The following FGFR2 variants were observed in gnomAD, a reference collection of about 807,000 sequenced individuals.
The protein encoded by FGFR2 is BEK fibroblast growth factor receptor.
A neutral mutation model predicts 95.9 loss-of-function variants in FGFR2; 19 were observed. That is an observed-to-expected ratio of 0.20 (90% CI 0.14 to 0.29). FGFR2 has a LOEUF of 0.29. FGFR2 is among the 10% of genes least tolerant of loss of function. FGFR2 has a pLI of 1.00. For missense variants in FGFR2, 707 were observed against 1,056.9 expected, an observed-to-expected ratio of 0.67 and a Z score of 4.59; for synonymous variants, 392 against 393.3, an observed-to-expected ratio of 1.00 and a Z score of 0.04.
chr10:121,526,050 T>C (rs998937087), intron 6 of FGFR2: 4 of 396,562 alleles, frequency 1.0e-5, no homozygotes, highest in African/African-American at 6.2e-5. Flanking sequence ...GTTCCCAGTA[T>C]TGATCTGGAA....
chr10:121,526,668 T>C (rs973861203), intron 6 of FGFR2: 1 of 398,482 alleles, frequency 2.5e-6, no homozygotes. Flanking sequence ...ACAGCCAGTA[T>C]CTTGGCTTGT....
chr10:121,525,717 T>G (rs189871665), intron 6 of FGFR2, among the ~76,000 whole-genome samples: 125 of 152,106 alleles, frequency 8.2e-4, no homozygotes, highest in African/African-American at 2.8e-3. Flanking sequence ...AACATGCCAG[T>G]CCTCCTCTGG....
chr10:121,535,266 A>C (rs1852668302), intron 6 of FGFR2, among the ~76,000 whole-genome samples: 1 of 152,230 alleles, frequency 6.6e-6, no homozygotes, highest in Non-Finnish European at 1.5e-5. Context: ...CAATTAGTTT[A>C]TAGTAATTTG....
intron 17 of FGFR2, among the ~76,000 whole-genome samples, chr10:121,483,467 TC>T (rs1281745480): frequency 6.6e-6 from 1 of 152,216 alleles, no homozygotes; most frequent in African/African-American, 2.4e-5. Context: ...GAAGGCAGCC[TC>T]GGGGATGTCC....
chr10:121,533,413 A>T (rs1398834282), intron 6 of FGFR2, among the ~76,000 whole-genome samples: 5 of 152,186 alleles, frequency 3.3e-5, no homozygotes, highest in Admixed American at 1.3e-4. Flanking sequence ...AGTGGAGAGA[A>T]GACATATCTG....
intron 2 of FGFR2, among the ~76,000 whole-genome samples, chr10:121,584,225 A>G (rs1861405495): frequency 6.6e-6 from 1 of 151,798 alleles, no homozygotes; most frequent in African/African-American, 2.4e-5. Flanking sequence ...GCAGACAAAA[A>G]TCTCATCTAG....
chr10:121,531,752 C>T lies in FGFR2; in HGVS notation c.748+6840G>A, dbSNP rs537671899. 1.3e-5 allele frequency among the ~76,000 whole-genome samples: 2 copies of T among 152,276 alleles called. No individual in the cohort carries two copies. The highest frequency in any genetic ancestry group is 2.9e-5 in the Non-Finnish European group (2 of 68,022). ...TAGCAAGGGTGGAAACAGAACTTGA[C>T]ACCCCTCTCCACGTAATTTCCACCT... is the stretch of plus-strand genomic sequence containing the variant. On this transcript the variant is annotated intron_variant, in intron 6 of 17. Transcript: ENST00000358487. This position sits in a 1 kb window ranked among gnomAD's most constrained non-coding sequence, Gnocchi z 4.5.
intron 2 of FGFR2, among the ~76,000 whole-genome samples, chr10:121,585,762 T>C (rs145299578): frequency 6.6e-6 from 1 of 152,338 alleles, no homozygotes; most frequent in Non-Finnish European, 1.5e-5. Flanking sequence ...TTCTTGTTCT[T>C]TTAAAAATTT....
Position 121,512,898 on chromosome 10 carries a change from T to C in FGFR2, c.1287+2219A>G, listed in dbSNP as rs535423621. Reference sequence around the variant, plus strand: ...TCTCTTTTTTTTTAAAGACGGAGTTTTACTCTTGTTGCCCAGGCTGGAGCG... The same window carrying C: ...TCTCTTTTTTTTTAAAGACGGAGTTCTACTCTTGTTGCCCAGGCTGGAGCG... On this transcript the variant is annotated intron_variant, in intron 9 of 17. Coordinates refer to ENST00000358487, the MANE Select transcript of FGFR2 (RefSeq NM_000141.5). 2.7e-3 allele frequency among the ~76,000 whole-genome samples: 408 copies of C among 152,188 alleles called. 3 individuals carry two copies. Among genetic ancestry groups the C allele is most frequent in the African/African-American group, 9.7e-3 (404 of 41,520 alleles).
intron 2 of FGFR2, among the ~76,000 whole-genome samples, chr10:121,569,446 T>A (rs1858243821): frequency 6.6e-6 from 1 of 152,152 alleles, no homozygotes; most frequent in Non-Finnish European, 1.5e-5. Flanking sequence ...GGTCTTGAAC[T>A]CCTGACCTCG....
intron 12 of FGFR2, among the ~76,000 whole-genome samples, chr10:121,497,130 C>CA (rs35537265): frequency 0.045 from 4,143 of 91,338 alleles, 120 homozygotes; most frequent in African/African-American, 0.085. Context: ...GACTTTGTCT[C>CA]AAAAAAAAAA....
At chr10:121,496,807 A>C (rs1589754468) in intron 12 of FGFR2, 85 bp from the exon 13 acceptor site, 5 of 1,230,328 alleles carry the variant, frequency 4.1e-6, no homozygotes, top group Admixed American at 2.1e-5. Context: ...TAGTTATTAC[A>C]ACCCATGCTT....
intron 2 of FGFR2, 52 bp from the exon 3 acceptor site, chr10:121,565,756 G>A (rs750669864): frequency 6.2e-7 from 1 of 1,607,430 alleles, no homozygotes; most frequent in Non-Finnish European, 8.5e-7. Flanking sequence ...GGAGGGAGAG[G>A]AGAGAACGTC....
At chr10:121,575,236 GCA>G (rs1160849722) in intron 2 of FGFR2, among the ~76,000 whole-genome samples, 1 of 152,204 alleles carries the variant, frequency 6.6e-6, no homozygotes, top group African/African-American at 2.4e-5. Context: ...AAATAAAAAT[GCA>G]CACAGAGTAA....
intron 16 of FGFR2, 44 bp from the exon 17 acceptor site, chr10:121,483,847 G>C (rs759037909): frequency 3.1e-5 from 45 of 1,442,712 alleles, no homozygotes. Context: ...TATGCACTGG[G>C]TACGTGGTTA....
intron 4 of FGFR2, among the ~76,000 whole-genome samples, chr10:121,560,615 CAAAAAAA>C (rs34753296): frequency 3.7e-4 from 19 of 51,794 alleles, no homozygotes; most frequent in African/African-American, 9.7e-4. Context: ...ACTCCGTCCC[CAAAAAAA>C]AAAAAAAAAA....
At chr10:121,482,223 T>A (rs771048421) in intron 17 of FGFR2, 1 of 1,584,390 alleles carries the variant, frequency 6.3e-7, no homozygotes, top group South Asian at 1.1e-5. Context: ...AAGTCTACAG[T>A]TAAAGGAACT....
intron 9 of FGFR2, among the ~76,000 whole-genome samples, chr10:121,506,664 C>G (rs1848331077): frequency 6.6e-6 from 1 of 152,144 alleles, no homozygotes; most frequent in Non-Finnish European, 1.5e-5. Context: ...GCGAGGCTCA[C>G]AGAATAGGAT....
At chr10:121,515,950 T>C (rs1849655909) in intron 8 of FGFR2, among the ~76,000 whole-genome samples, 1 of 151,784 alleles carries the variant, frequency 6.6e-6, no homozygotes, top group African/African-American at 2.4e-5. Context: ...ATTAGATCCA[T>C]AATACATAAA....
Sources: allele counts gnomAD v4.1 joint callset (sites outside exome capture counted in the v4.1 genomes callset), GRCh38; gene constraint gnomAD v4.1.1; non-coding constraint Gnocchi (gnomAD v3.1); transcripts MANE v1.5; gene names NCBI Gene and HGNC (gene_info 2026-07-23, HGNC 2026-07-21).